The following ATF7 variants were observed in gnomAD, a reference collection of about 807,000 sequenced individuals.
ATF7 encodes activating transcription factor 7, also known as cyclic AMP-dependent transcription factor ATF-7.
ATF7 carries 10 observed loss-of-function variants against 50.4 expected under a neutral mutation model. The observed-to-expected ratio is 0.20, with a 90% CI of 0.12 to 0.34. The LOEUF (loss-of-function observed/expected upper bound fraction) is 0.34. Among genes scored for constraint, ATF7 ranks in the 10% least tolerant of loss-of-function variants. ATF7 has a pLI of 1.00. For missense variants in ATF7, 465 were observed against 613.9 expected (o/e 0.76, Z 2.56); for synonymous variants, 201 against 226.4 (o/e 0.89, Z 1.01).
intron 2 of ATF7, among the ~76,000 whole-genome samples, chr12:53,590,677 T>C (rs772063231): frequency 2.0e-5 from 3 of 152,224 alleles, no homozygotes; most frequent in Non-Finnish European, 4.4e-5. Flanking sequence ...GGATAAATGC[T>C]TGGAGTTTTA....
At chr12:53,610,969 G>A (rs970950365) in intron 1 of ATF7, among the ~76,000 whole-genome samples, 2 of 151,900 alleles carry the variant, frequency 1.3e-5, no homozygotes, top group African/African-American at 4.8e-5. Flanking sequence ...TGGGACTATA[G>A]GTGCACACCA....
intron 2 of ATF7, among the ~76,000 whole-genome samples, chr12:53,556,610 A>G (rs1474810307): frequency 1.3e-5 from 2 of 152,308 alleles, no homozygotes; most frequent in East Asian, 1.9e-4. Context: ...AAAAACAACG[A>G]AAAAAACCAA....
At chr12:53,548,943 C>T (rs929480429) in intron 3 of ATF7, among the ~76,000 whole-genome samples, 1 of 152,082 alleles carries the variant, frequency 6.6e-6, no homozygotes, top group Non-Finnish European at 1.5e-5. Context: ...TGTGATTGTG[C>T]CACTGCACTC....
At position 53,545,920 on chromosome 12, in the gene ATF7, C is replaced by T. The variant is rs7957092; in HGVS notation, c.146-2472G>A. Among the ~76,000 whole-genome samples the T allele has an allele frequency of 3.9e-3, 587 of 151,836 alleles. 2 individuals are homozygous for T. The highest frequency in any genetic ancestry group is 0.013 in the African/African-American group (556 of 41,440). ...AAAAAATACAAAAATTGGCTGGGTG[C>T]GGTGGCTCACGCCTGTAATCCCAAC... On this transcript the variant is annotated intron_variant, in intron 3 of 11. Coordinates refer to ENST00000420353, the MANE Select transcript of ATF7 (RefSeq NM_006856.3).
intron 2 of ATF7, among the ~76,000 whole-genome samples, chr12:53,565,770 G>C (rs1400976714): frequency 6.6e-6 from 1 of 152,188 alleles, no homozygotes; most frequent in Non-Finnish European, 1.5e-5. Context: ...TGGGATTACA[G>C]GTGTGAGCCC....
chr12:53,625,786 C>G (rs928154818), intron 1 of ATF7, among the ~76,000 whole-genome samples: 8 of 152,118 alleles, frequency 5.3e-5, no homozygotes, highest in African/African-American at 1.9e-4. Flanking sequence ...CTCCTAATCC[C>G]ACTCTTTGGG....
Position 53,513,954 on chromosome 12 carries a change from T to C in ATF7, c.*3183A>G, listed in dbSNP as rs1944211027. On this transcript the variant is annotated 3_prime_UTR_variant, in exon 12 of 12. Transcript: ENST00000420353. ...AGGTTCAGTTTGCTCAGTCCCTCTT[T>C]AACCACTACTTAGAGTACATGGTCT... 1 of 152,204 alleles carries C rather than the reference T, an allele frequency of 6.6e-6. No individual in the cohort carries two copies. The highest frequency in any genetic ancestry group is 2.4e-5 in the African/African-American group (1 of 41,434). 9.4% of individuals were successfully genotyped at this position (152,204 alleles called of 1,614,324 possible). A position where few individuals can be genotyped will look rare whatever the true frequency, so the allele number is the denominator to read the frequency against.
intron 2 of ATF7, among the ~76,000 whole-genome samples, chr12:53,565,627 G>C (rs796836637): frequency 2.6e-4 from 40 of 152,002 alleles, no homozygotes; most frequent in African/African-American, 8.9e-4. Context: ...TGAGTAGCTG[G>C]GATTACAGGT....
At chr12:53,569,167 A>G (rs1456948725) in intron 2 of ATF7, among the ~76,000 whole-genome samples, 2 of 152,142 alleles carry the variant, frequency 1.3e-5, no homozygotes, top group African/African-American at 2.4e-5. Context: ...GGAGGGCTCC[A>G]TGTCTCTTAA....
At chr12:53,567,324 A>G (rs1277305264) in intron 2 of ATF7, among the ~76,000 whole-genome samples, 2 of 152,214 alleles carry the variant, frequency 1.3e-5, no homozygotes, top group Non-Finnish European at 2.9e-5. Flanking sequence ...AACAATGGCT[A>G]TACACTGGGC....
At chr12:53,510,317 G>T (rs1336776028), downstream of ATF7, among the ~76,000 whole-genome samples, 1 of 152,258 alleles carries the variant, frequency 6.6e-6, no homozygotes, top group African/African-American at 2.4e-5. Context: ...GGGATTACAG[G>T]CATGAGCCAT....
In ATF7 at chr12:53,542,107, G is replaced by GTTTTTTTTTTTTTT. The variant is rs1199418506; in HGVS notation, c.264+1209_264+1222dup. Among the ~76,000 whole-genome samples the GTTTTTTTTTTTTTT allele has an allele frequency of 2.3e-3, 237 of 101,416 alleles. 23 individuals carry two copies. The highest frequency in any genetic ancestry group is 7.9e-3 in the African/African-American group (216 of 27,256). The allele number at this position is 101,416 out of a possible 152,430, so 66.5% of individuals were successfully genotyped here. On this transcript the variant is annotated intron_variant, in intron 4 of 11. Coordinates refer to ENST00000420353, the MANE Select transcript of ATF7 (RefSeq NM_006856.3). ...GGGTGTGAGCCACTGCGCCTGGCCTGTTTTTTTTTTTTTTTTTTTAAGAGA... is the reference window on the plus strand; with the variant it reads ...GGGTGTGAGCCACTGCGCCTGGCCTGTTTTTTTTTTTTTTTTTTTTTTTTTTTTTTTTTAAGAGA...
intron 1 of ATF7, 76 bp from the exon 2 acceptor site, chr12:53,601,097 TATC>T (rs1943383789): frequency 9.2e-7 from 1 of 1,089,048 alleles, no homozygotes; most frequent in East Asian, 2.6e-5. Context: ...GCTTCAAAAA[TATC>T]AACCCTAGAA....
chr12:53,606,182 C>G (rs528236108), intron 1 of ATF7, among the ~76,000 whole-genome samples: 16 of 151,540 alleles, frequency 1.1e-4, no homozygotes, highest in Non-Finnish European at 2.4e-4. Flanking sequence ...CTCACCTGAG[C>G]TATTAAGATA....
chr12:53,611,984 C>A, intron 1 of ATF7, among the ~76,000 whole-genome samples: 1 of 151,876 alleles, frequency 6.6e-6, no homozygotes, highest in East Asian at 1.9e-4. Context: ...CATTTTTGTT[C>A]TTATTTTTTG....
intron 3 of ATF7, among the ~76,000 whole-genome samples, chr12:53,551,185 G>A (rs1940330412): frequency 6.6e-6 from 1 of 151,628 alleles, no homozygotes; most frequent in Non-Finnish European, 1.5e-5. Context: ...TTAGAGACAG[G>A]GTCTTGCTTT....
intron 1 of ATF7, among the ~76,000 whole-genome samples, chr12:53,622,538 G>A (rs918269102): frequency 6.6e-6 from 1 of 151,422 alleles, no homozygotes; most frequent in African/African-American, 2.4e-5. Flanking sequence ...GGAGAATGGC[G>A]TGAACCTGGG....
At chr12:53,540,433 C>T (rs1422308423) in intron 4 of ATF7, among the ~76,000 whole-genome samples, 1 of 151,126 alleles carries the variant, frequency 6.6e-6, no homozygotes, top group Non-Finnish European at 1.5e-5. Context: ...TATTTAAAGA[C>T]AGGGTCTGGG....
intron 4 of ATF7, among the ~76,000 whole-genome samples, chr12:53,539,686 CAATGAATGAATGAATG>C (rs144445994): frequency 0.43 from 64,165 of 148,100 alleles, 14,202 homozygotes; most frequent in East Asian, 0.73. Flanking sequence ...AAGATCCTGT[CAATGAATGAATGAATG>C]AATGAATGAA....
Sources: gnomAD v4.1 joint callset for allele counts (sites outside exome capture counted in the v4.1 genomes callset) on GRCh38, gnomAD v4.1.1 for gene constraint, MANE v1.5 for transcripts, NCBI Gene and HGNC (gene_info 2026-07-23, HGNC 2026-07-21) for gene names.